Variants in FHIT observed in about 807,000 individuals in gnomAD.
The protein encoded by FHIT is bis(5'-adenosyl)-triphosphatase.
A neutral mutation model predicts 17.9 loss-of-function variants in FHIT; 19 were observed. The ratio of observed to expected loss-of-function variants is 1.06; its 90% CI spans 0.74 to 1.56. The LOEUF is 1.56. FHIT is among the 40% of genes most tolerant of loss of function. The pLI is 0.00. For missense variants in FHIT, 248 were observed against 189.2 expected (o/e 1.31, Z -1.82); for synonymous variants, 81 against 69.7 (o/e 1.16, Z -0.81).
intron 2 of FHIT, among the ~76,000 whole-genome samples, chr3:61,123,882 T>C (rs2106931478): frequency 6.6e-6 from 1 of 152,176 alleles, no homozygotes; most frequent in East Asian, 1.9e-4. Flanking sequence ...CTCTTACAAA[T>C]ACGTACAACA....
chr3:60,818,788 A>G (rs1553738419), intron 4 of FHIT, among the ~76,000 whole-genome samples: 1 of 152,068 alleles, frequency 6.6e-6, no homozygotes, highest in African/African-American at 2.4e-5. Context: ...TCCTGTGGCT[A>G]TGATTGCCCT....
chr3:60,875,414 T>A (rs1313032354), intron 3 of FHIT, among the ~76,000 whole-genome samples: 1 of 152,166 alleles, frequency 6.6e-6, no homozygotes, highest in Non-Finnish European at 1.5e-5. Context: ...AATGCCAAGT[T>A]AGTTCTGTCA....
At chr3:60,151,500 G>A (rs985734658) in intron 5 of FHIT, among the ~76,000 whole-genome samples, 7 of 152,098 alleles carry the variant, frequency 4.6e-5, no homozygotes, top group African/African-American at 1.4e-4. Context: ...AAACAGATGA[G>A]ATCACAGCAC....
chr3:60,377,610 T>C (rs1301083410), intron 5 of FHIT, among the ~76,000 whole-genome samples: 1 of 148,904 alleles, frequency 6.7e-6, no homozygotes, highest in African/African-American at 2.5e-5. Context: ...GCCTCCCGAG[T>C]AGCTGGGACT....
At chr3:60,255,964 T>C (rs1471205189) in intron 5 of FHIT, among the ~76,000 whole-genome samples, 1 of 152,184 alleles carries the variant, frequency 6.6e-6, no homozygotes, top group Non-Finnish European at 1.5e-5. Context: ...AGTGAAACAC[T>C]TGAAATTAGT....
At chr3:61,203,003 AC>A (rs1168366720) in intron 1 of FHIT, among the ~76,000 whole-genome samples, 2 of 151,898 alleles carry the variant, frequency 1.3e-5, no homozygotes, top group Non-Finnish European at 2.9e-5. Context: ...ATATGGTGAA[AC>A]CCCATCTCTA....
At chr3:60,904,533 T>A (rs1305231592) in intron 3 of FHIT, among the ~76,000 whole-genome samples, 4 of 151,914 alleles carry the variant, frequency 2.6e-5, no homozygotes, top group South Asian at 2.1e-4. Flanking sequence ...TGAAATTTTT[T>A]AAAATTTGCA....
chr3:60,096,096 G>C (rs185036612), intron 5 of FHIT, among the ~76,000 whole-genome samples: 1 of 152,244 alleles, frequency 6.6e-6, no homozygotes. Context: ...GGCCTCACTC[G>C]GCCATGCTAC....
chr3:60,927,737 C>G (rs1233106879), intron 3 of FHIT, among the ~76,000 whole-genome samples: 1 of 151,190 alleles, frequency 6.6e-6, no homozygotes, highest in Admixed American at 6.6e-5. Flanking sequence ...GTGGGCGTGC[C>G]CCCACCCGGC....
rs184065663 is a variant in FHIT, at chr3:60,117,419, C to T, written c.104-103267G>A. 2.5e-3 allele frequency among the ~76,000 whole-genome samples: 370 copies of T among 146,666 alleles called. 4 individuals are homozygous for T. Among genetic ancestry groups the T allele is most frequent in the Admixed American group, 0.021 (308 of 14,364 alleles). ...TTAAATTTTTTTATTTTTATTACAG[C>T]TTCAGTGATTAGCATTCCTGTACTA... On this transcript the variant is annotated intron_variant, in intron 5 of 9. Transcript: ENST00000492590.
chr3:61,062,603 G>C (rs2034466627), intron 2 of FHIT, among the ~76,000 whole-genome samples: 1 of 152,144 alleles, frequency 6.6e-6, no homozygotes, highest in Non-Finnish European at 1.5e-5. Flanking sequence ...ATTGAGAATG[G>C]TTTCCCATGT....
intron 4 of FHIT, among the ~76,000 whole-genome samples, chr3:60,814,894 TG>T (rs782449265): frequency 5.1e-4 from 78 of 151,466 alleles, no homozygotes; most frequent in Non-Finnish European, 1.0e-3. Context: ...TGTTTAGTTT[TG>T]TTTTGTTTTT....
chr3:60,377,682 C>A (rs1284372222), intron 5 of FHIT, among the ~76,000 whole-genome samples: 3 of 150,284 alleles, frequency 2.0e-5, no homozygotes. Flanking sequence ...GGGGTTTCAC[C>A]TTGTTAGCCA....
Position 61,169,133 on chromosome 3 carries a change from A to T in FHIT, c.-164+31484T>A, listed in dbSNP as rs545211422. Among the ~76,000 whole-genome samples, 10 of 152,098 alleles carry T rather than the reference A, an allele frequency of 6.6e-5. No homozygotes were observed. In the South Asian group the frequency reaches 2.1e-3, roughly 32 times the overall value. ...AAACCTACACATCATCTATAAACAC[A>T]CTCTTTCCAGCTGTCTGACTCTAGC... On this transcript the variant is annotated intron_variant, in intron 2 of 9. Coordinates refer to ENST00000492590, the MANE Select transcript of FHIT (RefSeq NM_002012.4).
chr3:60,182,356 T>G (rs1213382753), intron 5 of FHIT, among the ~76,000 whole-genome samples: 1 of 152,194 alleles, frequency 6.6e-6, no homozygotes, highest in Non-Finnish European at 1.5e-5. Flanking sequence ...ATTCCATGAT[T>G]TGGTGAGAGC....
At chr3:60,965,412 ATCT>A (rs1275213922) in intron 3 of FHIT, among the ~76,000 whole-genome samples, 3 of 152,040 alleles carry the variant, frequency 2.0e-5, no homozygotes, top group African/African-American at 4.8e-5. Flanking sequence ...TGTTATTCTG[ATCT>A]TCTGAAGCCT....
intron 5 of FHIT, among the ~76,000 whole-genome samples, chr3:60,243,353 CAAAT>C (rs1448754325): frequency 6.6e-6 from 1 of 152,048 alleles, no homozygotes; most frequent in Non-Finnish European, 1.5e-5. Flanking sequence ...AACAAAGAAA[CAAAT>C]AACATCAACA....
chr3:60,560,049 A>G (rs1471661698), intron 4 of FHIT, among the ~76,000 whole-genome samples: 1 of 151,886 alleles, frequency 6.6e-6, no homozygotes, highest in Non-Finnish European at 1.5e-5. Flanking sequence ...AGCTAATACC[A>G]AAATTAAACT....
intron 4 of FHIT, among the ~76,000 whole-genome samples, chr3:60,820,368 T>A (rs531592980): frequency 1.3e-4 from 20 of 152,164 alleles, no homozygotes; most frequent in African/African-American, 4.6e-4. Flanking sequence ...AAGGATCAAA[T>A]AATTATATGT....
Sources: allele counts gnomAD v4.1 joint callset (sites outside exome capture counted in the v4.1 genomes callset), GRCh38; gene constraint gnomAD v4.1.1; transcripts MANE v1.5; gene names NCBI Gene and HGNC (gene_info 2026-07-23, HGNC 2026-07-21).